Variants in HOMER2 observed in about 807,000 individuals in gnomAD.
The protein encoded by HOMER2 is homer scaffold protein 2.
Under a neutral mutation model 47.0 loss-of-function variants are expected in HOMER2, and 27 were observed. That is an observed-to-expected ratio of 0.57 (90% CI 0.42 to 0.79). The LOEUF (loss-of-function observed/expected upper bound fraction) is 0.79, where lower values mean the gene tolerates loss of function less well. Ranked by LOEUF, HOMER2 falls within the 30% of genes least tolerant of loss-of-function variation. The pLI, the probability that HOMER2 is intolerant of heterozygous loss-of-function variation, is 0.00. For synonymous variants in HOMER2, 161 were observed against 163.8 expected, an observed-to-expected ratio of 0.98 and a Z score of 0.13; for missense variants, 443 against 435.0, an observed-to-expected ratio of 1.02 and a Z score of -0.16.
At chr15:82,894,475 T>A (rs990631813) in intron 1 of HOMER2, among the ~76,000 whole-genome samples, 5 of 151,588 alleles carry the variant, frequency 3.3e-5, no homozygotes, top group Admixed American at 1.3e-4. Flanking sequence ...ATCGAGACCA[T>A]CCTGGCTAAC....
chr15:82,907,243 A>G (rs1208306592), intron 1 of HOMER2, among the ~76,000 whole-genome samples: 2 of 152,036 alleles, frequency 1.3e-5, no homozygotes, highest in Non-Finnish European at 2.9e-5. Flanking sequence ...TGCAGTCCCA[A>G]CTAATCAGGA....
chr15:82,964,841 G>C (rs942267268), intron 1 of HOMER2, among the ~76,000 whole-genome samples: 8 of 152,276 alleles, frequency 5.3e-5, no homozygotes, highest in Middle Eastern at 3.4e-3. Context: ...AAAGTTTACA[G>C]AAAGCAGTGT....
chr15:82,962,991 C>T (rs1264542195), intron 1 of HOMER2, among the ~76,000 whole-genome samples: 1 of 152,098 alleles, frequency 6.6e-6, no homozygotes, highest in East Asian at 1.9e-4. Flanking sequence ...AAGAATGAGG[C>T]CTTGCCGGCT....
At chr15:82,891,930 T>A (rs918444745) in intron 2 of HOMER2, among the ~76,000 whole-genome samples, 1 of 151,498 alleles carries the variant, frequency 6.6e-6, no homozygotes, top group Non-Finnish European at 1.5e-5. Context: ...TGGCAGCAGA[T>A]AATCCATGTA....
At chr15:82,861,852 A>G (rs2051802181) in intron 4 of HOMER2, among the ~76,000 whole-genome samples, 1 of 152,154 alleles carries the variant, frequency 6.6e-6, no homozygotes, top group Admixed American at 6.6e-5. Flanking sequence ...TACTAAAGAT[A>G]CAAAAAAATT....
intron 1 of HOMER2, among the ~76,000 whole-genome samples, chr15:82,971,413 C>T (rs891031863): frequency 6.6e-6 from 1 of 151,056 alleles, no homozygotes; most frequent in Non-Finnish European, 1.5e-5. Flanking sequence ...GAGACAGATA[C>T]ATACACACAC....
At chr15:82,973,253 C>T (rs1825153559) in intron 1 of HOMER2, among the ~76,000 whole-genome samples, 1 of 152,162 alleles carries the variant, frequency 6.6e-6, no homozygotes, top group Non-Finnish European at 1.5e-5. Context: ...AGAAATATGC[C>T]TCAAATATGT....
At chr15:82,912,437 G>T (rs903130414) in intron 1 of HOMER2, among the ~76,000 whole-genome samples, 1 of 152,018 alleles carries the variant, frequency 6.6e-6, no homozygotes, top group Admixed American at 6.6e-5. Flanking sequence ...TTTTATGGCT[G>T]TATTATAGCC....
At chr15:82,944,740 GTT>G (rs1010742326) in intron 1 of HOMER2, among the ~76,000 whole-genome samples, 1 of 146,222 alleles carries the variant, frequency 6.8e-6, no homozygotes. Flanking sequence ...TTTGCCCACG[GTT>G]TTTTTTTTTT....
chr15:82,864,191 G>A lies in HOMER2; in HGVS notation c.363C>T (p.Ile121=), dbSNP rs11629943. 2.4e-3 allele frequency: 3,799 copies of A among 1,610,374 alleles called. 4 individuals are homozygous for A. Among genetic ancestry groups the A allele is most frequent in the South Asian group, 3.2e-3 (292 of 90,592 alleles). ...CTTGGGAATGATTACTTGAGGTCTC[G>A]ATTTTCTCCTGCGTCTTGTCTTTGG... ...KIAKDKTQEK[I]ETSSNHSQAS... The change falls in exon 4 of 9, where the codon ATC becomes ATT. Residue 121 remains isoleucine, a synonymous_variant. Coordinates refer to ENST00000450735, the MANE Select transcript of HOMER2 (RefSeq NM_004839.4).
intron 1 of HOMER2, chr15:82,985,417 G>A (rs1273734385): frequency 1.3e-5 from 2 of 152,140 alleles, no homozygotes; most frequent in African/African-American, 4.8e-5. Context: ...CACCGTGCAG[G>A]GGATGGTAAT....
At chr15:82,983,361 A>C (rs2030461546) in intron 1 of HOMER2, among the ~76,000 whole-genome samples, 1 of 152,036 alleles carries the variant, frequency 6.6e-6, no homozygotes, top group Admixed American at 6.6e-5. Flanking sequence ...TGAATTACTC[A>C]CACATTTACA....
At chr15:82,862,050 C>T (rs924741436) in intron 4 of HOMER2, among the ~76,000 whole-genome samples, 4 of 148,996 alleles carry the variant, frequency 2.7e-5, no homozygotes, top group African/African-American at 5.0e-5. Context: ...AAAACAAAAA[C>T]AAAAATAGTC....
intron 2 of HOMER2, among the ~76,000 whole-genome samples, chr15:82,882,657 G>C (rs1013405437): frequency 6.6e-6 from 1 of 152,230 alleles, no homozygotes; most frequent in African/African-American, 2.4e-5. Flanking sequence ...CCAGAAGGAG[G>C]AGAGGCTGTC....
At position 82,852,125 on chromosome 15, in the gene HOMER2, G is replaced by A. The variant is rs370017939; in HGVS notation, c.762+17C>T. Reference sequence around the variant, plus strand: ...AAGAGGACGCCAAGGGGCCCTGCTCGGAGCACCATTACTCACTGTCTCCTT... The same window carrying A: ...AAGAGGACGCCAAGGGGCCCTGCTCAGAGCACCATTACTCACTGTCTCCTT... On this transcript the variant is annotated intron_variant, in intron 7 of 8. Transcript: ENST00000450735. The A allele has an allele frequency of 2.3e-5, 37 of 1,589,424 alleles. No homozygotes were observed. The highest frequency in any genetic ancestry group is 1.8e-4 in the East Asian group (8 of 44,764).
At chr15:82,949,933 G>A (rs927152476) in intron 1 of HOMER2, among the ~76,000 whole-genome samples, 6 of 152,112 alleles carry the variant, frequency 3.9e-5, no homozygotes, top group African/African-American at 1.4e-4. Flanking sequence ...AGAAGACCCC[G>A]GAGAGAAAGG....
chr15:82,857,395 G>GCTAA (rs1026898485), intron 5 of HOMER2, among the ~76,000 whole-genome samples: 3 of 147,980 alleles, frequency 2.0e-5, no homozygotes, highest in Non-Finnish European at 4.5e-5. Flanking sequence ...AGCAGCCTGA[G>GCTAA]CTAAGACAGC....
At chr15:82,840,670 A>C (rs1204708687) in exon 2 of HOMER2, 1 of 152,084 alleles carries the variant, frequency 6.6e-6, no homozygotes, top group Non-Finnish European at 1.5e-5. Context: ...TCCTGGGCTC[A>C]AGCAATCTTC....
In HOMER2 at chr15:82,984,022, A is replaced by AATT. The variant is rs1266681159; in HGVS notation, n.82+1762_82+1764dup. ...CTGGAGCTCCAGAATAGTACTATTC[A>AATT]ATTATTATTATTATTTTTTTTTTTT... On this transcript the variant is annotated intron_variant and non_coding_transcript_variant, in intron 1 of 1. Coordinates refer to the HOMER2 transcript ENST00000500334. Among the ~76,000 whole-genome samples, 60 of 150,118 alleles carry AATT rather than the reference A, an allele frequency of 4.0e-4. 2 individuals carry two copies. Among genetic ancestry groups the AATT allele is most frequent in the South Asian group, 1.1e-3 (5 of 4,760 alleles).
Sources: gnomAD v4.1 joint callset for allele counts (sites outside exome capture counted in the v4.1 genomes callset) on GRCh38, gnomAD v4.1.1 for gene constraint, MANE v1.5 for transcripts, NCBI Gene and HGNC (gene_info 2026-07-23, HGNC 2026-07-21) for gene names.